Variants in SLC13A1 observed in about 807,000 individuals in gnomAD.
SLC13A1 encodes the protein solute carrier family 13 member 1, also known as Na(+)/sulfate cotransporter.
A neutral mutation model predicts 70.0 loss-of-function variants in SLC13A1; 65 were observed. The ratio of observed to expected loss-of-function variants is 0.93; its 90% confidence interval spans 0.76 to 1.14. The LOEUF (loss-of-function observed/expected upper bound fraction) is 1.14. Ranked by LOEUF, SLC13A1 falls within the 50% of genes most tolerant of loss-of-function variation. The pLI, the probability that SLC13A1 is intolerant of heterozygous loss-of-function variation, is 0.00. For missense variants in SLC13A1, 726 were observed against 717.8 expected, an observed-to-expected ratio of 1.01 and a Z score of -0.13; for synonymous variants, 275 against 250.5, an observed-to-expected ratio of 1.10 and a Z score of -0.92.
chr7:123,149,106 A>G (rs922449077), intron 6 of SLC13A1, among the ~76,000 whole-genome samples: 4 of 152,092 alleles, frequency 2.6e-5, no homozygotes, highest in African/African-American at 9.7e-5. Context: ...GACGTATGAC[A>G]CACTCATGGT....
chr7:123,175,061 G>C (rs1795403729), intron 2 of SLC13A1, among the ~76,000 whole-genome samples: 1 of 151,796 alleles, frequency 6.6e-6, no homozygotes, highest in Non-Finnish European at 1.5e-5. Context: ...TTATCTTGAA[G>C]GCAAGATGTA....
At chr7:123,185,691 T>C (rs973133329) in intron 1 of SLC13A1, among the ~76,000 whole-genome samples, 2 of 152,102 alleles carry the variant, frequency 1.3e-5, no homozygotes, top group African/African-American at 2.4e-5. Flanking sequence ...AGCTTTGTAG[T>C]ATATTTTGAA....
intron 1 of SLC13A1, chr7:123,190,665 A>G (rs182755204): frequency 4.4e-4 from 203 of 456,654 alleles, no homozygotes; most frequent in Non-Finnish European, 7.5e-4. Context: ...CATTAACCAA[A>G]TGAAAAAGGA....
chr7:123,148,651 T>C (rs768953146), intron 6 of SLC13A1: 2 of 314,602 alleles, frequency 6.4e-6, no homozygotes, highest in Non-Finnish European at 1.2e-5. Flanking sequence ...TTATGTTTAG[T>C]CAGGAGAATA....
intron 8 of SLC13A1, among the ~76,000 whole-genome samples, chr7:123,130,837 CT>C (rs1211732289): frequency 2.0e-5 from 3 of 152,134 alleles, no homozygotes; most frequent in Non-Finnish European, 4.4e-5. Context: ...GTAACTGCCA[CT>C]TTTTATTGTT....
chr7:123,148,503 A>G (rs1183327200), intron 6 of SLC13A1: 3 of 453,322 alleles, frequency 6.6e-6, no homozygotes, highest in South Asian at 4.7e-5. Flanking sequence ...GGTGTAAGCC[A>G]AAAGCAACTT....
At chr7:123,153,927 A>G (rs1794637588) in intron 6 of SLC13A1, among the ~76,000 whole-genome samples, 2 of 152,122 alleles carry the variant, frequency 1.3e-5, no homozygotes, top group South Asian at 4.1e-4. Context: ...TTATTTCTTA[A>G]TCATGAGCTT....
At chr7:123,136,448 C>T (rs924188427) in intron 7 of SLC13A1, among the ~76,000 whole-genome samples, 1 of 152,138 alleles carries the variant, frequency 6.6e-6, no homozygotes, top group Non-Finnish European at 1.5e-5. Flanking sequence ...TAAGCATTTT[C>T]TTTTGCTGTG....
At chr7:123,174,275 T>C (rs75055560) in intron 2 of SLC13A1, among the ~76,000 whole-genome samples, 5,008 of 152,258 alleles carry the variant, frequency 0.033, 113 homozygotes, top group Middle Eastern at 0.058. Context: ...CAGACTGATA[T>C]GTCCAACTGT....
intron 1 of SLC13A1, among the ~76,000 whole-genome samples, chr7:123,196,492 A>G (rs912353787): frequency 6.6e-6 from 1 of 151,994 alleles, no homozygotes; most frequent in African/African-American, 2.4e-5. Context: ...GTGTAGCCAG[A>G]TTTTTGCAAG....
intron 6 of SLC13A1, among the ~76,000 whole-genome samples, chr7:123,163,069 G>T (rs1291118393): frequency 1.3e-5 from 2 of 152,048 alleles, no homozygotes; most frequent in Non-Finnish European, 2.9e-5. Context: ...ATTAATGCTT[G>T]CAGGGGAGGG....
At chr7:123,184,721 G>C (rs1248875653) in intron 1 of SLC13A1, among the ~76,000 whole-genome samples, 1 of 151,864 alleles carries the variant, frequency 6.6e-6, no homozygotes, top group Non-Finnish European at 1.5e-5. Flanking sequence ...CCATTCATCT[G>C]TTGATGAACA....
chr7:123,163,918 C>G (rs1192243179), intron 6 of SLC13A1, among the ~76,000 whole-genome samples: 1 of 151,670 alleles, frequency 6.6e-6, no homozygotes, highest in Non-Finnish European at 1.5e-5. Context: ...ATTCAATAAG[C>G]AAATATTTAC....
intron 14 of SLC13A1, among the ~76,000 whole-genome samples, chr7:123,117,233 A>G (rs939059995): frequency 6.6e-6 from 1 of 152,156 alleles, no homozygotes; most frequent in Non-Finnish European, 1.5e-5. Context: ...CGTCCAAAGC[A>G]TTAATGATGC....
At chr7:123,148,255 T>A (rs759122418) in intron 6 of SLC13A1, among the ~76,000 whole-genome samples, 1 of 152,182 alleles carries the variant, frequency 6.6e-6, no homozygotes, top group Non-Finnish European at 1.5e-5. Context: ...CAGCACTTAA[T>A]CATCTTCCTT....
rs149399605 is a variant in SLC13A1 at position 123,147,269 on chromosome 7, G to A, written c.702C>T (p.His234=). The A allele has an allele frequency of 1.2e-5, 20 of 1,613,410 alleles. No homozygotes were observed. Among genetic ancestry groups the A allele is most frequent in the Middle Eastern group, 1.6e-4 (1 of 6,078 alleles). The change falls in exon 7 of 15, where the codon CAC becomes CAT. Residue 234 remains histidine (H), a synonymous_variant. Coordinates refer to ENST00000194130, the MANE Select transcript of SLC13A1 (RefSeq NM_022444.4). ...ACAAACACGTAAGTTTACGTGTCACGTGGCCCTTCTTTGTTCGATATTTGG... is the reference window on the plus strand; with the variant it reads ...ACAAACACGTAAGTTTACGTGTCACATGGCCCTTCTTTGTTCGATATTTGG... ...MRTKYRTKKG[H]VTRKLTCLCI... is the part of the protein sequence containing the mutation.
chr7:123,142,426 C>CT (rs1794186557), intron 7 of SLC13A1, among the ~76,000 whole-genome samples: 1 of 151,916 alleles, frequency 6.6e-6, no homozygotes, highest in South Asian at 2.1e-4. Context: ...CTGCATGGTG[C>CT]TCTACACCGC....
At chr7:123,118,302 A>C (rs1793250139) in intron 13 of SLC13A1, among the ~76,000 whole-genome samples, 1 of 152,192 alleles carries the variant, frequency 6.6e-6, no homozygotes, top group African/African-American at 2.4e-5. Context: ...ATTTTAAAAA[A>C]GCAGAAAACA....
intron 2 of SLC13A1, 116 bp downstream of exon 2, chr7:123,180,857 G>A: frequency 9.3e-7 from 1 of 1,074,536 alleles, no homozygotes; most frequent in South Asian, 1.7e-5. Flanking sequence ...GAAGTTTGGG[G>A]GACTTATGTG....
Sources: gnomAD v4.1 joint callset for allele counts (sites outside exome capture counted in the v4.1 genomes callset) on GRCh38, gnomAD v4.1.1 for gene constraint, MANE v1.5 for transcripts, NCBI Gene and HGNC (gene_info 2026-07-23, HGNC 2026-07-21) for gene names.